The following PDE7B variants were observed in gnomAD, a reference collection of about 807,000 sequenced individuals.
PDE7B encodes the protein 3',5'-cyclic-AMP phosphodiesterase 7B.
PDE7B carries 29 observed loss-of-function variants against 56.2 expected under a neutral mutation model. The observed-to-expected ratio is 0.52, with a 90% CI of 0.38 to 0.70. The LOEUF is 0.70. Among genes scored for constraint, PDE7B ranks in the 30% least tolerant of loss-of-function variants. PDE7B has a pLI of 0.00. For missense variants in PDE7B, 490 were observed against 565.0 expected (o/e 0.87, Z 1.35); for synonymous variants, 197 against 196.9 (o/e 1.00, Z 0.00).
At chr6:135,853,204 T>A (rs993561064) in intron 1 of PDE7B, among the ~76,000 whole-genome samples, 6 of 152,194 alleles carry the variant, frequency 3.9e-5, no homozygotes, top group Non-Finnish European at 7.3e-5. Flanking sequence ...ATTCTCAACA[T>A]TGAGAACCTG....
intron 1 of PDE7B, among the ~76,000 whole-genome samples, chr6:135,934,948 ATT>A: frequency 4.1e-5 from 2 of 49,366 alleles, no homozygotes; most frequent in Non-Finnish European, 7.9e-5. Flanking sequence ...TATAATATAT[ATT>A]TATATATAAT....
chr6:135,902,613 A>G (rs968211787), intron 1 of PDE7B, among the ~76,000 whole-genome samples: 4 of 152,186 alleles, frequency 2.6e-5, no homozygotes, highest in African/African-American at 9.7e-5. Context: ...GACAACTGGA[A>G]AAATATATCT....
intron 3 of PDE7B, among the ~76,000 whole-genome samples, chr6:136,117,886 A>G (rs922857325): frequency 8.0e-5 from 12 of 150,738 alleles, no homozygotes; most frequent in African/African-American, 3.0e-4. Context: ...CCAGAGCTCC[A>G]AGCTCACTAA....
intron 2 of PDE7B, chr6:136,038,241 G>A (rs1274088891): frequency 1.5e-6 from 2 of 1,300,804 alleles, no homozygotes. Context: ...AGCAGCAGCA[G>A]CAGCAGCACC....
intron 1 of PDE7B, among the ~76,000 whole-genome samples, chr6:135,859,059 GAAA>G (rs545178102): frequency 2.4e-5 from 3 of 124,784 alleles, no homozygotes; most frequent in Non-Finnish European, 3.5e-5. Flanking sequence ...TTCCAGGAGA[GAAA>G]AAAAAAAAAA....
At chr6:136,009,162 T>C (rs896317036) in intron 2 of PDE7B, among the ~76,000 whole-genome samples, 2 of 152,108 alleles carry the variant, frequency 1.3e-5, no homozygotes, top group Admixed American at 1.3e-4. Context: ...TGGCATTATT[T>C]CTGAGGGCTC....
At chr6:136,176,827 T>G (rs1562514241) in intron 9 of PDE7B, among the ~76,000 whole-genome samples, 1 of 152,162 alleles carries the variant, frequency 6.6e-6, no homozygotes, top group Non-Finnish European at 1.5e-5. Flanking sequence ...ATTCAGCAAA[T>G]TACTTAGCAG....
Position 136,192,802 on chromosome 6 carries a change from C to A in PDE7B, c.*962C>A, listed in dbSNP as rs1331023327. 1 of 152,560 alleles carries A rather than the reference C, an allele frequency of 6.6e-6. No homozygotes were observed. The highest frequency in any genetic ancestry group is 1.5e-5 in the Non-Finnish European group (1 of 68,038). The allele number at this position is 152,560 out of a possible 1,614,324, so 9.5% of individuals were successfully genotyped here. On this transcript the variant is annotated 3_prime_UTR_variant, in exon 13 of 13. Transcript: ENST00000308191. ...TATACTATTGTTTGCAGATAAAGGC[C>A]TTAACTTTAAACATCTTTCATCTTC...
chr6:136,135,627 G>A (rs1442614804), intron 3 of PDE7B, among the ~76,000 whole-genome samples: 1 of 151,664 alleles, frequency 6.6e-6, no homozygotes, highest in East Asian at 1.9e-4. Context: ...AACAAATATG[G>A]CCTCTTATGA....
intron 2 of PDE7B, chr6:136,094,678 T>G (rs1002508590): frequency 6.6e-6 from 1 of 152,284 alleles, no homozygotes; most frequent in Non-Finnish European, 1.5e-5. Flanking sequence ...CTTATTGACT[T>G]TGTTTATTGT....
At chr6:136,157,922 G>A (rs779957608) in intron 8 of PDE7B, among the ~76,000 whole-genome samples, 3 of 152,182 alleles carry the variant, frequency 2.0e-5, no homozygotes, top group Non-Finnish European at 4.4e-5. Context: ...CTCCGTCTCT[G>A]ATCAGTGTGT....
At position 136,151,300 on chromosome 6, in the gene PDE7B, TGGC is replaced by T. The variant is rs748662612; in HGVS notation, c.478+46_478+48del. On this transcript the variant is annotated intron_variant, in intron 6 of 12. Coordinates refer to ENST00000308191, the MANE Select transcript of PDE7B (RefSeq NM_018945.4). ...TTTCTAGCCCCATTCTCTTGAATAA[TGGC>T]AATGCATAATACTCTTTAATATAAA... 279 of 963,096 alleles carry T rather than the reference TGGC, an allele frequency of 2.9e-4. 2 individuals carry two copies. Among genetic ancestry groups the T allele is most frequent in the Middle Eastern group, 1.9e-3 (9 of 4,824 alleles). The allele number at this position is 963,096 out of a possible 1,614,324, so 59.7% of individuals were successfully genotyped here.
At chr6:136,023,067 A>G (rs1042671341) in intron 2 of PDE7B, among the ~76,000 whole-genome samples, 38 of 151,826 alleles carry the variant, frequency 2.5e-4, no homozygotes, top group Non-Finnish European at 7.4e-5. Flanking sequence ...TTTCCCAATT[A>G]TCTATTTGTT....
At chr6:135,877,430 T>A (rs982116558) in intron 1 of PDE7B, among the ~76,000 whole-genome samples, 1 of 151,926 alleles carries the variant, frequency 6.6e-6, no homozygotes, top group African/African-American at 2.4e-5. Flanking sequence ...GGCTTTCAAT[T>A]TTTTATGTGG....
chr6:135,867,423 AT>A lies in PDE7B; in HGVS notation c.21+15412del, dbSNP rs1324670533. Among the ~76,000 whole-genome samples, 15 of 152,072 alleles carry A rather than the reference AT, an allele frequency of 9.9e-5. 1 individual carries two copies. In the East Asian group the frequency reaches 1.9e-3, roughly 20 times the overall value. The stretch of plus-strand genomic sequence containing the variant: ...TGTTAATACATCGTAAGGTTTAAAA[AT>A]TTTTTTTAACTTTTAAGGTCAGGGG... On this transcript the variant is annotated intron_variant, in intron 1 of 12. Coordinates refer to ENST00000308191, the MANE Select transcript of PDE7B (RefSeq NM_018945.4).
At chr6:136,047,911 A>G (rs925365561) in intron 2 of PDE7B, among the ~76,000 whole-genome samples, 5 of 152,264 alleles carry the variant, frequency 3.3e-5, no homozygotes, top group African/African-American at 1.2e-4. Flanking sequence ...CATATGCTTT[A>G]CAATAAAGTG....
intron 2 of PDE7B, among the ~76,000 whole-genome samples, chr6:136,074,342 T>C (rs1253390896): frequency 6.6e-6 from 1 of 152,144 alleles, no homozygotes; most frequent in African/African-American, 2.4e-5. Context: ...GTACATGAGA[T>C]ATTTTGATAC....
At chr6:136,003,955 A>T (rs1277931186) in intron 2 of PDE7B, among the ~76,000 whole-genome samples, 27 of 152,122 alleles carry the variant, frequency 1.8e-4, no homozygotes, top group African/African-American at 5.3e-4. Context: ...AATCCTCAAT[A>T]AAATACTGGC....
chr6:136,010,034 A>G (rs9494439), intron 2 of PDE7B, among the ~76,000 whole-genome samples: 13,009 of 152,114 alleles, frequency 0.086, 950 homozygotes, highest in African/African-American at 0.19. Flanking sequence ...CAGTTGTGGT[A>G]TTAGGTTGTT....
Sources: allele counts gnomAD v4.1 joint callset (sites outside exome capture counted in the v4.1 genomes callset), GRCh38; gene constraint gnomAD v4.1.1; transcripts MANE v1.5; gene names NCBI Gene and HGNC (gene_info 2026-07-23, HGNC 2026-07-21).